Variants in ZNF280D observed in about 807,000 individuals in gnomAD.
ZNF280D encodes zinc finger protein 280D.
In ZNF280D, 39 loss-of-function variants were observed where a neutral mutation model predicts 94.7. That is an observed-to-expected ratio of 0.41 (90% confidence interval 0.32 to 0.54). The LOEUF (loss-of-function observed/expected upper bound fraction) is 0.54, where lower values mean the gene tolerates loss of function less well. Among genes scored for constraint, ZNF280D ranks in the 20% least tolerant of loss-of-function variants. The pLI is 0.22. For missense variants in ZNF280D, 1,090 were observed against 1,149.3 expected, an observed-to-expected ratio of 0.95 and a Z score of 0.75; for synonymous variants, 398 against 377.6, an observed-to-expected ratio of 1.05 and a Z score of -0.63.
At chr15:56,656,033 C>T (rs1052358685) in intron 17 of ZNF280D, among the ~76,000 whole-genome samples, 1 of 152,162 alleles carries the variant, frequency 6.6e-6, no homozygotes, top group Non-Finnish European at 1.5e-5. Context: ...GGCCTAATAC[C>T]TATCCAGATC....
At chr15:56,695,512 A>G (rs2056691809) in intron 6 of ZNF280D, among the ~76,000 whole-genome samples, 1 of 151,390 alleles carries the variant, frequency 6.6e-6, no homozygotes, top group Admixed American at 6.6e-5. Flanking sequence ...TAAACTGATA[A>G]AACTATTGTG....
At chr15:56,647,777 T>TG (rs2052980249) in intron 19 of ZNF280D, among the ~76,000 whole-genome samples, 1 of 152,170 alleles carries the variant, frequency 6.6e-6, no homozygotes, top group Non-Finnish European at 1.5e-5. Flanking sequence ...GTGACCCACC[T>TG]GTCTTGGCCT....
chr15:56,717,306 A>G (rs1258632107), intron 1 of ZNF280D, among the ~76,000 whole-genome samples: 1 of 152,174 alleles, frequency 6.6e-6, no homozygotes, highest in Non-Finnish European at 1.5e-5. Context: ...AGCTTTGTCT[A>G]GGTCAAGTTG....
Position 56,704,105 on chromosome 15 carries a change from A to C in ZNF280D, c.175+16T>G. 1.2e-6 allele frequency: 2 copies of C among 1,612,664 alleles called. No individual in the cohort carries two copies. Among genetic ancestry groups the C allele is most frequent in the Non-Finnish European group, 1.7e-6 (2 of 1,179,516 alleles). ...ATACCTTATAAAGCTTGGTTTCACT[A>C]AAAGTAAATGCTTACTTGAAATTGC... On this transcript the variant is annotated intron_variant, in intron 4 of 21. Transcript: ENST00000267807.
At chr15:56,652,675 T>C (rs1282837175) in intron 19 of ZNF280D, 3 of 985,262 alleles carry the variant, frequency 3.0e-6, no homozygotes, top group Non-Finnish European at 3.6e-6. Flanking sequence ...AATGGCTAAG[T>C]AGACATTACA....
chr15:56,684,333 C>A (rs1347622464), intron 9 of ZNF280D, among the ~76,000 whole-genome samples: 1 of 152,118 alleles, frequency 6.6e-6, no homozygotes, highest in Non-Finnish European at 1.5e-5. Flanking sequence ...AGGCAAATAA[C>A]AGAAAAATGT....
intron 6 of ZNF280D, chr15:56,700,610 C>A (rs1596556639): frequency 1.7e-6 from 2 of 1,203,058 alleles, no homozygotes; most frequent in Non-Finnish European, 2.1e-6. Context: ...AATACCTGGT[C>A]CCGTCTGCAA....
chr15:56,673,617 G>A (rs1406352389), intron 13 of ZNF280D, among the ~76,000 whole-genome samples: 1 of 151,910 alleles, frequency 6.6e-6, no homozygotes, highest in African/African-American at 2.4e-5. Flanking sequence ...GCTTAAAAAT[G>A]TCTAGTGCCT....
At chr15:56,673,564 T>C (rs559452610) in intron 13 of ZNF280D, among the ~76,000 whole-genome samples, 13 of 152,168 alleles carry the variant, frequency 8.5e-5, no homozygotes, top group African/African-American at 1.2e-4. Context: ...GACTTTTCTT[T>C]CCATAGCTGC....
rs117039268 is a variant in ZNF280D, at chr15:56,653,339, C to T, written c.2213+859G>A. The T allele has an allele frequency of 5.9e-4, 743 of 1,255,640 alleles. 9 individuals are homozygous for T. In the East Asian group the frequency reaches 0.02, roughly 34 times the overall value. The allele number at this position is 1,255,640 out of a possible 1,614,324, so 77.8% of individuals were successfully genotyped here. A position where few individuals can be genotyped will look rare whatever the true frequency, so the allele number is the denominator to read the frequency against. Reference sequence around the variant, plus strand: ...AGCTTAAGATCATAAGCCAAAGCCCCCAGTGGGAAGTATGCTCAATTTGGT... The same window carrying T: ...AGCTTAAGATCATAAGCCAAAGCCCTCAGTGGGAAGTATGCTCAATTTGGT... On this transcript the variant is annotated intron_variant, in intron 19 of 21. Coordinates refer to ENST00000267807, the MANE Select transcript of ZNF280D (RefSeq NM_017661.4).
At chr15:56,710,903 T>C (rs1218823692) in intron 1 of ZNF280D, among the ~76,000 whole-genome samples, 3 of 152,182 alleles carry the variant, frequency 2.0e-5, no homozygotes, top group Middle Eastern at 3.4e-3. Context: ...AACTGTAGTA[T>C]CTGCACATTT....
intron 19 of ZNF280D, chr15:56,652,699 A>G: frequency 8.1e-6 from 8 of 985,364 alleles, no homozygotes; most frequent in Non-Finnish European, 9.6e-6. Context: ...TAGACGCACA[A>G]ATACGTAACT....
chr15:56,684,743 A>G (rs2055881576), intron 9 of ZNF280D, among the ~76,000 whole-genome samples: 1 of 152,066 alleles, frequency 6.6e-6, no homozygotes, highest in Admixed American at 6.6e-5. Context: ...AAGGATTAGA[A>G]AAAAAAAGAC....
intron 4 of ZNF280D, among the ~76,000 whole-genome samples, chr15:56,701,720 A>G (rs1337140588): frequency 9.9e-5 from 15 of 152,134 alleles, no homozygotes; most frequent in Admixed American, 9.8e-4. Flanking sequence ...AAAAGCCTTG[A>G]AGTTGCATTA....
intron 13 of ZNF280D, among the ~76,000 whole-genome samples, chr15:56,671,061 G>T (rs902318629): frequency 2.0e-5 from 3 of 151,856 alleles, no homozygotes; most frequent in Admixed American, 2.0e-4. Flanking sequence ...ATTCCTTATA[G>T]ATGTAGATAT....
Position 56,678,883 on chromosome 15 carries a change from A to G in ZNF280D, c.1005-62T>C, listed in dbSNP as rs188642566. ...TTAAAAACAAAAAGGAAATCTCACA[A>G]ACAAGAATCTGAACCTAAATCTTAA... On this transcript the variant is annotated intron_variant, in intron 10 of 21. Coordinates refer to ENST00000267807, the MANE Select transcript of ZNF280D (RefSeq NM_017661.4). 31 of 1,396,856 alleles carry G rather than the reference A, an allele frequency of 2.2e-5. No homozygotes were observed. In the African/African-American group the frequency reaches 3.6e-4, roughly 16 times the overall value. The allele number at this position is 1,396,856 out of a possible 1,614,324, so 86.5% of individuals were successfully genotyped here.
At position 56,635,213 on chromosome 15, in the gene ZNF280D, T is replaced by C. The variant is rs376356333; in HGVS notation, c.2297A>G (p.Glu766Gly). 1.3e-4 allele frequency: 208 copies of C among 1,560,056 alleles called. No homozygotes were observed. Among genetic ancestry groups the C allele is most frequent in the Non-Finnish European group, 1.7e-4 (191 of 1,155,986 alleles). ...TATTTACCTTTCAGAATTTGATGTT[T>C]CTGTTTCTCTTTCAGCCATGTTAGG... ...ARPNMAERET[E>G]TSNSESKQDK... Residue 766 changes from glutamate to glycine, a missense_variant, in exon 21 of 22, where the codon GAA becomes GGA. Transcript: ENST00000267807.
At chr15:56,710,917 A>G (rs1279652793) in intron 1 of ZNF280D, among the ~76,000 whole-genome samples, 9 of 152,322 alleles carry the variant, frequency 5.9e-5, no homozygotes, top group African/African-American at 2.2e-4. Flanking sequence ...CACATTTAAA[A>G]AAAGAATATC....
chr15:56,694,255 T>C (rs569978836), intron 6 of ZNF280D, among the ~76,000 whole-genome samples: 35 of 149,344 alleles, frequency 2.3e-4, no homozygotes, highest in African/African-American at 8.1e-4. Context: ...TTTAGGGACA[T>C]ACACTCCGAT....
Sources: allele counts gnomAD v4.1 joint callset (sites outside exome capture counted in the v4.1 genomes callset), GRCh38; gene constraint gnomAD v4.1.1; transcripts MANE v1.5; gene names NCBI Gene and HGNC (gene_info 2026-07-23, HGNC 2026-07-21).